The following SNHG17 variants were observed in gnomAD, a reference collection of about 807,000 sequenced individuals.
SNHG17 encodes small nucleolar RNA host gene 17 (non-protein coding).
intron 2 of SNHG17, among the ~76,000 whole-genome samples, chr20:38,433,436 G>A (rs1377369199): frequency 1.3e-5 from 2 of 152,124 alleles, no homozygotes; most frequent in East Asian, 3.9e-4. Flanking sequence ...TTGAAGCCAG[G>A]AGTTCAGGAC....
intron 2 of SNHG17, among the ~76,000 whole-genome samples, chr20:38,433,576 G>C (rs1022170165): frequency 1.3e-5 from 2 of 152,166 alleles, no homozygotes; most frequent in Non-Finnish European, 2.9e-5. Flanking sequence ...CTGGACAACA[G>C]AGTGAGATCC....
intron 2 of SNHG17, chr20:38,434,009 G>A: frequency 1.9e-6 from 1 of 518,824 alleles, no homozygotes; most frequent in Middle Eastern, 3.2e-4. Flanking sequence ...GCAAAAAAGG[G>A]CAGGTGAGCC....
intron 3 of SNHG17, among the ~76,000 whole-genome samples, chr20:38,427,007 C>T (rs971653419): frequency 3.6e-5 from 5 of 140,282 alleles, no homozygotes; most frequent in African/African-American, 1.6e-4. Context: ...CACACACACA[C>T]ACACACACAC....
At chr20:38,435,156 G>A (rs2084410788) in intron 1 of SNHG17, 2 of 1,232,242 alleles carry the variant, frequency 1.6e-6, no homozygotes, top group Non-Finnish European at 2.0e-6. Flanking sequence ...TTCCCCCGAT[G>A]GTGAGAGTGG....
At chr20:38,423,754 C>T (rs755669759) in intron 5 of SNHG17, among the ~76,000 whole-genome samples, 22 of 152,194 alleles carry the variant, frequency 1.4e-4, no homozygotes, top group Non-Finnish European at 2.9e-4. Flanking sequence ...ACACTAAAAA[C>T]GGTGACTATG....
chr20:38,432,266 G>C, intron 2 of SNHG17: 2 of 641,746 alleles, frequency 3.1e-6, no homozygotes, highest in Non-Finnish European at 3.9e-6. Context: ...CAGTCATCAG[G>C]GACAGCTTAA....
chr20:38,424,255 C>T (rs959785638), intron 5 of SNHG17, among the ~76,000 whole-genome samples: 16 of 151,760 alleles, frequency 1.1e-4, no homozygotes, highest in Non-Finnish European at 2.9e-5. Flanking sequence ...CAGTGATCAG[C>T]ACAGACCTGG....
At chr20:38,430,408 T>C (rs1035305421) in intron 3 of SNHG17, among the ~76,000 whole-genome samples, 21 of 152,016 alleles carry the variant, frequency 1.4e-4, no homozygotes, top group Admixed American at 7.9e-4. Flanking sequence ...GGCGGGTGGA[T>C]TGCCAGAGGT....
At chr20:38,423,636 T>A (rs979815928) in intron 5 of SNHG17, among the ~76,000 whole-genome samples, 2 of 148,890 alleles carry the variant, frequency 1.3e-5, no homozygotes, top group Admixed American at 1.3e-4. Flanking sequence ...AATAGGGAGA[T>A]GTAGGCCAAA....
chr20:38,433,761 C>T (rs1227020325), intron 2 of SNHG17: 1 of 512,888 alleles, frequency 1.9e-6, no homozygotes, highest in Non-Finnish European at 3.9e-6. Context: ...CCTCATAGAC[C>T]CTGGTGAACG....
intron 3 of SNHG17, among the ~76,000 whole-genome samples, chr20:38,427,040 A>C (rs1047640207): frequency 6.8e-6 from 1 of 147,398 alleles, no homozygotes; most frequent in African/African-American, 2.6e-5. Flanking sequence ...ACACGGGGTC[A>C]GCCCTGCTCA....
At chr20:38,429,837 G>C in intron 3 of SNHG17, 2 of 512,850 alleles carry the variant, frequency 3.9e-6, no homozygotes, top group Non-Finnish European at 7.8e-6. Flanking sequence ...CAGAAAGGAG[G>C]CCAATGCTGG....
exon 2 of SNHG17, chr20:38,434,559 A>C (rs1386740503): frequency 6.2e-6 from 1 of 161,560 alleles, no homozygotes; most frequent in Non-Finnish European, 1.4e-5. Flanking sequence ...TGCAGATCAG[A>C]GTGCTGCAGG....
chr20:38,435,152 C>A (rs2084410695), intron 1 of SNHG17: 1 of 1,232,218 alleles, frequency 8.1e-7, no homozygotes, highest in African/African-American at 1.6e-5. Context: ...CAGTTTCCCC[C>A]GATGGTGAGA....
At chr20:38,424,219 A>C (rs2122689485) in intron 5 of SNHG17, among the ~76,000 whole-genome samples, 1 of 152,216 alleles carries the variant, frequency 6.6e-6, no homozygotes, top group South Asian at 2.1e-4. Context: ...CAAGGCAAGA[A>C]GGCTTTTGGA....
At chr20:38,435,036 T>C in intron 1 of SNHG17, 1 of 1,231,200 alleles carries the variant, frequency 8.1e-7, no homozygotes, top group South Asian at 4.2e-5. Context: ...CCTGCCAGTG[T>C]CTTTCCCGAG....
intron 3 of SNHG17, chr20:38,427,364 C>A (rs527335952): frequency 3.9e-6 from 2 of 518,764 alleles, no homozygotes; most frequent in Admixed American, 3.9e-5. Flanking sequence ...AACACGGGGA[C>A]AACCTCTTTC....
At chr20:38,425,371 G>A (rs1287000401) in intron 5 of SNHG17, 2 of 512,046 alleles carry the variant, frequency 3.9e-6, no homozygotes, top group Admixed American at 3.9e-5. Flanking sequence ...GGGAGGCACT[G>A]ACAGCAGCTT....
At chr20:38,424,739 G>T (rs1009983377) in intron 5 of SNHG17, among the ~76,000 whole-genome samples, 1 of 152,072 alleles carries the variant, frequency 6.6e-6, no homozygotes, top group African/African-American at 2.4e-5. Context: ...GAGAGCTTCT[G>T]GGGGGAGCTC....
Sources: allele counts gnomAD v4.1 joint callset (sites outside exome capture counted in the v4.1 genomes callset), GRCh38; gene constraint gnomAD v4.1.1; transcripts MANE v1.5; gene names NCBI Gene and HGNC (gene_info 2026-07-23, HGNC 2026-07-21).